Variants in AK9 observed in about 807,000 individuals in gnomAD.
AK9 encodes adenylate kinase 9.
In AK9, 191 loss-of-function variants were observed where a neutral mutation model predicts 239.6. The observed-to-expected ratio is 0.80, with a 90% CI of 0.71 to 0.90. AK9 has a LOEUF of 0.90. Ranked by LOEUF, AK9 falls within the 40% of genes least tolerant of loss-of-function variation. The pLI, the probability that AK9 is intolerant of heterozygous loss-of-function variation, is 0.00. For missense variants in AK9, 1,995 were observed against 2,214.7 expected, an observed-to-expected ratio of 0.90 and a Z score of 1.99; for synonymous variants, 689 against 721.0, an observed-to-expected ratio of 0.96 and a Z score of 0.71.
chr6:109,621,953 C>CAAAAAAAAA (rs376483185), intron 12 of AK9, among the ~76,000 whole-genome samples: 1 of 79,470 alleles, frequency 1.3e-5, no homozygotes, highest in Non-Finnish European at 2.6e-5. Context: ...GCAAAAAAAA[C>CAAAAAAAAA]AAAAAAAAAA....
chr6:109,602,781 T>C (rs1792213522), intron 17 of AK9, among the ~76,000 whole-genome samples: 2 of 152,176 alleles, frequency 1.3e-5, no homozygotes, highest in South Asian at 2.1e-4. Context: ...CTTTTTATTC[T>C]TTTTTCTCTA....
rs1776693392 is a variant in AK9 at position 109,493,148 on chromosome 6, A to G, written c.*221T>C. The G allele has an allele frequency of 5.0e-6, 2 of 402,914 alleles. No individual in the cohort carries two copies. The highest frequency in any genetic ancestry group is 7.7e-5 in the East Asian group (2 of 25,886). 25.0% of individuals were successfully genotyped at this position (402,914 alleles called of 1,614,324 possible). A position where few individuals can be genotyped will look rare whatever the true frequency, so the allele number is the denominator to read the frequency against. On this transcript the variant is annotated 3_prime_UTR_variant, in exon 41 of 41. Coordinates refer to ENST00000424296, the MANE Select transcript of AK9 (RefSeq NM_001145128.3). ...TTGTTAAAGCATCAAAGTTCAGGCA[A>G]AGAGCAATACATTTTAAAATTGTAT...
In AK9 at chr6:109,618,938, T is replaced by C. The variant is rs566729925; in HGVS notation, c.1399+154A>G. On this transcript the variant is annotated intron_variant, in intron 13 of 40. Transcript: ENST00000424296. ...GTTTTTTTCTCTGCTTTTGAATTGG[T>C]TTATGTACATCCATTCTTCAACCAT... Among the ~76,000 whole-genome samples the C allele has an allele frequency of 5.9e-5, 9 of 152,284 alleles. No individual in the cohort carries two copies. In the South Asian group the frequency reaches 1.4e-3, roughly 25 times the overall value.
chr6:109,670,118 G>A (rs1299583898), intron 5 of AK9, among the ~76,000 whole-genome samples: 1 of 152,074 alleles, frequency 6.6e-6, no homozygotes, highest in Non-Finnish European at 1.5e-5. Flanking sequence ...CAATAAGATA[G>A]AAAGAAGTAG....
intron 13 of AK9, among the ~76,000 whole-genome samples, chr6:109,615,475 C>T (rs576116962): frequency 7.9e-5 from 12 of 152,080 alleles, no homozygotes; most frequent in Non-Finnish European, 1.8e-4. Flanking sequence ...GCCAATATTT[C>T]TCCAGCTTCA....
chr6:109,510,119 G>A (rs1306154387), intron 32 of AK9, among the ~76,000 whole-genome samples: 2 of 151,980 alleles, frequency 1.3e-5, no homozygotes, highest in African/African-American at 4.8e-5. Flanking sequence ...TGAAGGCTGG[G>A]GGCTGGGATG....
At chr6:109,652,184 C>T (rs1181816509) in intron 8 of AK9, among the ~76,000 whole-genome samples, 1 of 152,202 alleles carries the variant, frequency 6.6e-6, no homozygotes, top group African/African-American at 2.4e-5. Flanking sequence ...AATCCAACAG[C>T]ACATCAAAAA....
intron 32 of AK9, among the ~76,000 whole-genome samples, chr6:109,511,111 T>A (rs143376342): frequency 6.6e-6 from 1 of 152,158 alleles, no homozygotes; most frequent in African/African-American, 2.4e-5. Flanking sequence ...GTTTTCTTTT[T>A]TCTGCATGAG....
intron 9 of AK9, 88 bp downstream of exon 9, chr6:109,644,526 T>C: frequency 8.9e-7 from 1 of 1,124,636 alleles, no homozygotes; most frequent in African/African-American, 1.6e-5. Context: ...AATATAAATA[T>C]GCTTCTGTTT....
At chr6:109,671,822 C>CAA (rs1364140433) in intron 5 of AK9, 97 bp downstream of exon 5, 1 of 1,036,886 alleles carries the variant, frequency 9.6e-7, no homozygotes, top group African/African-American at 1.6e-5. Context: ...TATGCTAAGG[C>CAA]AAAAGAAAGG....
At chr6:109,675,111 C>T (rs911880533) in intron 2 of AK9, among the ~76,000 whole-genome samples, 5 of 152,152 alleles carry the variant, frequency 3.3e-5, no homozygotes, top group African/African-American at 1.2e-4. Flanking sequence ...ACAGGAGAAC[C>T]TCCTGGCTCA....
chr6:109,600,375 C>T (rs896875886), intron 17 of AK9, among the ~76,000 whole-genome samples: 1 of 151,870 alleles, frequency 6.6e-6, no homozygotes, highest in African/African-American at 2.4e-5. Context: ...TATGCTGGAT[C>T]ATGCTTATTG....
chr6:109,509,212 A>G lies in AK9; in HGVS notation c.4448T>C (p.Leu1483Pro). 6.4e-7 allele frequency: 1 copy of G among 1,552,182 alleles called. No individual in the cohort carries two copies. Among genetic ancestry groups the G allele is most frequent in the Non-Finnish European group, 8.7e-7 (1 of 1,147,088 alleles). ...ATTGCACACACTTTCCATCAGAGAA[A>G]GTTCTAAGGCTTGAATAGCCAGTTC... is the stretch of plus-strand genomic sequence containing the variant. ...PDELAIQALE[L>P]SLMESVCNTA... The change falls in exon 33 of 41, where the codon CTT (leucine) becomes CCT (proline). Residue 1483 changes from leucine to proline, a missense_variant. Transcript: ENST00000424296.
rs1217309979 is a variant in AK9, at chr6:109,640,767, T to A, written c.933+751A>T. Among the ~76,000 whole-genome samples, 3 of 152,182 alleles carry A rather than the reference T, an allele frequency of 2.0e-5. No individual in the cohort carries two copies. The East Asian group carries it at 5.8e-4, about 29-fold the overall frequency. ...GTGAAACTGAGCTTCTCAGAATAGG[T>A]CAAATTCTCCAGTTAAAACTCCTTG... On this transcript the variant is annotated intron_variant, in intron 10 of 40. Transcript: ENST00000424296.
intron 1 of AK9, among the ~76,000 whole-genome samples, chr6:109,679,510 G>C (rs184498188): frequency 3.3e-5 from 5 of 152,228 alleles, no homozygotes; most frequent in Admixed American, 3.3e-4. Flanking sequence ...TGGGGGAAGG[G>C]GTGGCTGTGC....
intron 8 of AK9, among the ~76,000 whole-genome samples, chr6:109,653,019 T>C (rs1322496724): frequency 6.6e-6 from 1 of 152,032 alleles, no homozygotes; most frequent in African/African-American, 2.4e-5. Context: ...CTCCACCCAC[T>C]GGGTTCAAGT....
chr6:109,532,322 G>A (rs1162963249), intron 28 of AK9, among the ~76,000 whole-genome samples: 1 of 152,074 alleles, frequency 6.6e-6, no homozygotes, highest in Non-Finnish European at 1.5e-5. Context: ...TCTTTCCCTT[G>A]AGGCCACGTG....
At chr6:109,610,927 A>AG (rs1452557745) in intron 16 of AK9, among the ~76,000 whole-genome samples, 4 of 152,316 alleles carry the variant, frequency 2.6e-5, no homozygotes, top group African/African-American at 9.6e-5. Flanking sequence ...GACAAGAGGT[A>AG]GGCAAGTTGG....
At chr6:109,643,511 A>G (rs1252736581) in intron 9 of AK9, among the ~76,000 whole-genome samples, 1 of 152,228 alleles carries the variant, frequency 6.6e-6, no homozygotes, top group Non-Finnish European at 1.5e-5. Flanking sequence ...GGCAAAAGCC[A>G]AAACTAGTTT....
Sources: allele counts gnomAD v4.1 joint callset (sites outside exome capture counted in the v4.1 genomes callset), GRCh38; gene constraint gnomAD v4.1.1; transcripts MANE v1.5; gene names NCBI Gene and HGNC (gene_info 2026-07-23, HGNC 2026-07-21).